WDR33: variants seen among roughly 807,000 people sequenced by gnomAD.
WDR33 encodes pre-mRNA 3' end processing protein WDR33.
In WDR33, 47 loss-of-function variants were observed where a neutral mutation model predicts 164.9. The observed-to-expected ratio is 0.29, with a 90% CI of 0.23 to 0.36. The LOEUF is 0.36. Among genes scored for constraint, WDR33 ranks in the 10% least tolerant of loss-of-function variants. The pLI is 1.00. For missense variants in WDR33, 1,137 were observed against 1,754.1 expected (o/e 0.65, Z 6.28); for synonymous variants, 505 against 589.0 (o/e 0.86, Z 2.06).
rs576812410 is a variant in WDR33 at position 127,735,051 on chromosome 2, C to A, written c.725-8274G>T. On this transcript the variant is annotated intron_variant, in intron 7 of 21. Coordinates refer to ENST00000322313, the MANE Select transcript of WDR33 (RefSeq NM_018383.5). This position sits in a 1 kb window ranked among gnomAD's most constrained non-coding sequence, Gnocchi z 4.3. ...GATTAGGTATTAGATATTTGGTGAA[C>A]AGACATTCTAGACTTGCTTTGTAGA... is the stretch of plus-strand genomic sequence containing the variant. Among the ~76,000 whole-genome samples, 1 of 152,302 alleles carries A rather than the reference C, an allele frequency of 6.6e-6. No homozygotes were observed. Among genetic ancestry groups the A allele is most frequent in the South Asian group, 2.1e-4 (1 of 4,822 alleles).
rs1191333508 is a variant in WDR33, at chr2:127,701,078, A to G, written c.*5245T>C. 1 of 153,600 alleles carries G rather than the reference A, an allele frequency of 6.5e-6. No homozygotes were observed. The highest frequency in any genetic ancestry group is 1.4e-5 in the Non-Finnish European group (1 of 69,006). 9.5% of individuals were successfully genotyped at this position (153,600 alleles called of 1,614,324 possible). A position where few individuals can be genotyped will look rare whatever the true frequency, so the allele number is the denominator to read the frequency against. ...GAGATCACTGTTTGTGTTCAGTTGT[A>G]AGAAACAAGAGAGATTCTGTGTACC... On this transcript the variant is annotated 3_prime_UTR_variant, in exon 22 of 22. Coordinates refer to ENST00000322313, the MANE Select transcript of WDR33 (RefSeq NM_018383.5).
In WDR33 at chr2:127,797,066, C is replaced by A. The variant is rs537358734; in HGVS notation, c.-24+13946G>T. ...AAGCACATGAATGTCCATGAATGAT[C>A]ACCATGGCAGGGAAAATTTTCCTTG... On this transcript the variant is annotated intron_variant, in intron 1 of 21. Coordinates refer to ENST00000322313, the MANE Select transcript of WDR33 (RefSeq NM_018383.5). Among the ~76,000 whole-genome samples, 5 of 152,130 alleles carry A rather than the reference C, an allele frequency of 3.3e-5. No individual in the cohort carries two copies. The South Asian group carries it at 1.0e-3, about 31-fold the overall frequency.
intron 18 of WDR33, among the ~76,000 whole-genome samples, chr2:127,711,782 T>TATATA (rs1558919467): frequency 3.0e-4 from 25 of 84,424 alleles, no homozygotes; most frequent in African/African-American, 1.0e-3. Flanking sequence ...ATATATATAT[T>TATATA]TTTTTTTTGA....
intron 4 of WDR33, among the ~76,000 whole-genome samples, chr2:127,766,855 C>T (rs1483798823): frequency 6.6e-6 from 1 of 152,058 alleles, no homozygotes; most frequent in Non-Finnish European, 1.5e-5. Context: ...CTGCAACCTC[C>T]ACCTCCCAGG....
chr2:127,768,102 A>T, intron 4 of WDR33, 87 bp downstream of exon 4: 1 of 772,564 alleles, frequency 1.3e-6, no homozygotes, highest in East Asian at 3.3e-5. Flanking sequence ...CTTTTAAAAT[A>T]ATGTTTAATT....
In WDR33 at chr2:127,720,267, C is replaced by A; in HGVS notation, c.1758G>T (p.Gln586His). 1.3e-6 allele frequency: 2 copies of A among 1,554,252 alleles called. No homozygotes were observed. Among genetic ancestry groups the A allele is most frequent in the East Asian group, 2.3e-5 (1 of 44,238 alleles). ...PSSGTPLLGP[Q>H]PFPGQGPMSQ... is the part of the protein sequence containing the mutation. ...ACATTGGACCTTGTCCTGGAAAAGG[C>A]TGGGGTCCGAGGAGAGGGGTGCCAG... The change falls in exon 16 of 22, where the codon CAG becomes CAT. Residue 586 changes from glutamine (Q) to histidine (H), a missense_variant. Around this residue, in one of 9 missense-constraint regions of WDR33, gnomAD observed 867 missense variants for 1,073.0 expected, o/e 0.81. Transcript: ENST00000322313. This position sits in a 1 kb window ranked among gnomAD's most constrained non-coding sequence, Gnocchi z 5.9.
Position 127,738,909 on chromosome 2 carries a change from G to C in WDR33, c.725-12132C>G, listed in dbSNP as rs1341304772. Among the ~76,000 whole-genome samples the C allele has an allele frequency of 6.6e-6, 1 of 152,098 alleles. No homozygotes were observed. Among genetic ancestry groups the C allele is most frequent in the African/African-American group, 2.4e-5 (1 of 41,414 alleles). On this transcript the variant is annotated intron_variant, in intron 7 of 21. Coordinates refer to ENST00000322313, the MANE Select transcript of WDR33 (RefSeq NM_018383.5). This position sits in a 1 kb window ranked among gnomAD's most constrained non-coding sequence, Gnocchi z 4.4. Reference sequence around the variant, plus strand: ...AAATCTTGAAAGTGCTGAAATAGGGGGAAAAGTTTTGAATCTAGCATTCAA... The same window carrying C: ...AAATCTTGAAAGTGCTGAAATAGGGCGAAAAGTTTTGAATCTAGCATTCAA...
Position 127,723,468 on chromosome 2 carries a change from T to C in WDR33, c.1197-121A>G. ...TTTACAATTTGTTTCTTCTACAAAT[T>C]TAAAATGTGAGGTCATACACTTTGG... On this transcript the variant is annotated intron_variant, in intron 11 of 21. Coordinates refer to ENST00000322313, the MANE Select transcript of WDR33 (RefSeq NM_018383.5). This position sits in a 1 kb window ranked among gnomAD's most constrained non-coding sequence, Gnocchi z 5.9. 1 of 796,318 alleles carries C rather than the reference T, an allele frequency of 1.3e-6. No homozygotes were observed. Among genetic ancestry groups the C allele is most frequent in the Non-Finnish European group, 2.0e-6 (1 of 506,134 alleles). 49.3% of individuals were successfully genotyped at this position (796,318 alleles called of 1,614,324 possible).
At position 127,725,310 on chromosome 2, in the gene WDR33, A is replaced by G. The variant is rs1686538041; in HGVS notation, c.852-95T>C. On this transcript the variant is annotated intron_variant, in intron 8 of 21. Coordinates refer to ENST00000322313, the MANE Select transcript of WDR33 (RefSeq NM_018383.5). Reference sequence around the variant, plus strand: ...GAAAAGCGAATTAATCAAGATGGCAAGAGGTTTGGCCTAGAAGCAATAAAG... The same window carrying G: ...GAAAAGCGAATTAATCAAGATGGCAGGAGGTTTGGCCTAGAAGCAATAAAG... 3 of 1,294,062 alleles carry G rather than the reference A, an allele frequency of 2.3e-6. No homozygotes were observed. The South Asian group carries it at 4.6e-5, about 20-fold the overall frequency. The allele number at this position is 1,294,062 out of a possible 1,614,324, so 80.2% of individuals were successfully genotyped here. A position where few individuals can be genotyped will look rare whatever the true frequency, so the allele number is the denominator to read the frequency against.
At chr2:127,809,031 CAAAAAAAA>C (rs11305287) in intron 1 of WDR33, among the ~76,000 whole-genome samples, 1 of 84,934 alleles carries the variant, frequency 1.2e-5, no homozygotes, top group Non-Finnish European at 2.3e-5. Context: ...ACTCTTGTCT[CAAAAAAAA>C]AAAAAAAAAA....
chr2:127,768,857 G>C (rs1459813912), intron 3 of WDR33, 76 bp downstream of exon 3: 5 of 1,082,038 alleles, frequency 4.6e-6, no homozygotes, highest in Non-Finnish European at 6.9e-6. Context: ...TTTTGGACTT[G>C]AAGTCACACA....
At position 127,717,901 on chromosome 2, in the gene WDR33, T is replaced by G. The variant is rs1029464002; in HGVS notation, c.2761-638A>C. Among the ~76,000 whole-genome samples the G allele has an allele frequency of 1.3e-5, 2 of 152,180 alleles. No homozygotes were observed. Among genetic ancestry groups the G allele is most frequent in the African/African-American group, 4.8e-5 (2 of 41,450 alleles). On this transcript the variant is annotated intron_variant, in intron 16 of 21. Coordinates refer to ENST00000322313, the MANE Select transcript of WDR33 (RefSeq NM_018383.5). This position sits in a 1 kb window ranked among gnomAD's most constrained non-coding sequence, Gnocchi z 5.6. Reference sequence around the variant, plus strand: ...CTAAAGTCCATTATTTTTTTAATCCTCCAAAATGAAAACTGTTAATTTACT... The same window carrying G: ...CTAAAGTCCATTATTTTTTTAATCCGCCAAAATGAAAACTGTTAATTTACT...
rs1253437807 is a variant in WDR33 at position 127,784,229 on chromosome 2, GA to G, written c.-23-13226del. On this transcript the variant is annotated intron_variant, in intron 1 of 21. Transcript: ENST00000322313. ...GCCGGGCATATATGAAATATATTATGAAAAAAAATCTGGATTCACACATTTA... is the reference window on the plus strand; with the variant it reads ...GCCGGGCATATATGAAATATATTATGAAAAAAATCTGGATTCACACATTTA... Among the ~76,000 whole-genome samples the G allele has an allele frequency of 3.3e-5, 5 of 151,868 alleles. No homozygotes were observed. In the East Asian group the frequency reaches 5.8e-4, roughly 18 times the overall value.
chr2:127,754,813 C>G (rs1415851833), intron 7 of WDR33, among the ~76,000 whole-genome samples: 1 of 152,044 alleles, frequency 6.6e-6, no homozygotes, highest in Non-Finnish European at 1.5e-5. Context: ...TATTCTAGGC[C>G]TATATAAAAT....
intron 18 of WDR33, among the ~76,000 whole-genome samples, chr2:127,711,780 A>ATATATATATATATATAT: frequency 2.3e-5 from 2 of 88,318 alleles, no homozygotes; most frequent in Non-Finnish European, 4.0e-5. Context: ...ATATATATAT[A>ATATATATATATATATAT]TTTTTTTTTT....
At chr2:127,736,601 G>C (rs1325197319) in intron 7 of WDR33, 1 of 985,382 alleles carries the variant, frequency 1.0e-6, no homozygotes, top group Non-Finnish European at 1.2e-6. Flanking sequence ...GTACCAACTT[G>C]TATTTACATG....
At chr2:127,762,042 G>A (rs1224786847) in intron 7 of WDR33, among the ~76,000 whole-genome samples, 1 of 152,126 alleles carries the variant, frequency 6.6e-6, no homozygotes, top group Non-Finnish European at 1.5e-5. Flanking sequence ...GAAAAACTGT[G>A]AGAAACTTAA....
rs568425500 is a variant in WDR33 at position 127,760,332 on chromosome 2, T to C, written c.724+2730A>G. Reference sequence around the variant, plus strand: ...ACACTAACAATGCAAAGGAGTATGCTTATCTACCTGATGCCATAGAGTCTA... The same window carrying C: ...ACACTAACAATGCAAAGGAGTATGCCTATCTACCTGATGCCATAGAGTCTA... On this transcript the variant is annotated intron_variant, in intron 7 of 21. Transcript: ENST00000322313. 7.9e-5 allele frequency among the ~76,000 whole-genome samples: 12 copies of C among 152,350 alleles called. No individual in the cohort carries two copies. In the South Asian group the frequency reaches 2.1e-3, roughly 26 times the overall value.
chr2:127,742,860 TAA>T (rs34957656), intron 7 of WDR33, among the ~76,000 whole-genome samples: 1 of 126,996 alleles, frequency 7.9e-6, no homozygotes, highest in East Asian at 2.2e-4. Flanking sequence ...TACTCACAGT[TAA>T]AAAAAAAAAA....
Sources: allele counts gnomAD v4.1 joint callset (sites outside exome capture counted in the v4.1 genomes callset), GRCh38; gene constraint gnomAD v4.1.1; regional missense constraint gnomAD v4.1.1; non-coding constraint Gnocchi (gnomAD v3.1); transcripts MANE v1.5; gene names NCBI Gene and HGNC (gene_info 2026-07-23, HGNC 2026-07-21).